Variants in BRINP3 observed in about 807,000 individuals in gnomAD.
The protein encoded by BRINP3 is BMP/retinoic acid-inducible neural-specific protein 3.
BRINP3 carries 19 observed loss-of-function variants against 71.0 expected under a neutral mutation model. The ratio of observed to expected loss-of-function variants is 0.27; its 90% CI spans 0.19 to 0.39. The LOEUF (loss-of-function observed/expected upper bound fraction) is 0.39. BRINP3 is among the 10% of genes least tolerant of loss of function. BRINP3 has a pLI of 1.00. For missense variants in BRINP3, 959 were observed against 940.8 expected (o/e 1.02, Z -0.25); for synonymous variants, 380 against 337.7 (o/e 1.13, Z -1.37).
chr1:190,112,464 T>C (rs1652776740), intron 7 of BRINP3, among the ~76,000 whole-genome samples: 1 of 152,188 alleles, frequency 6.6e-6, no homozygotes, highest in Non-Finnish European at 1.5e-5. Flanking sequence ...TCCTTGACCA[T>C]GGCACCACAG....
chr1:190,369,623 T>C (rs942556680), intron 2 of BRINP3, among the ~76,000 whole-genome samples: 5 of 149,136 alleles, frequency 3.4e-5, no homozygotes, highest in East Asian at 4.0e-4. Flanking sequence ...TAAAATACTA[T>C]AAAATCAGCC....
intron 6 of BRINP3, among the ~76,000 whole-genome samples, chr1:190,220,060 A>T (rs1029319891): frequency 6.6e-6 from 1 of 151,920 alleles, no homozygotes; most frequent in African/African-American, 2.4e-5. Flanking sequence ...ATAATGAAAA[A>T]CTGTGCAAAG....
At chr1:190,456,555 G>T (rs1320688620) in intron 1 of BRINP3, among the ~76,000 whole-genome samples, 2 of 151,602 alleles carry the variant, frequency 1.3e-5, no homozygotes, top group Non-Finnish European at 2.9e-5. Flanking sequence ...TTTCAAATTT[G>T]CTGAAAAAAT....
intron 2 of BRINP3, among the ~76,000 whole-genome samples, chr1:190,319,531 C>T (rs1480807082): frequency 6.6e-6 from 1 of 152,074 alleles, no homozygotes; most frequent in South Asian, 2.1e-4. Flanking sequence ...CACTGTTCCA[C>T]AGGCTGTACA....
chr1:190,267,749 T>C (rs1449691827), intron 3 of BRINP3, among the ~76,000 whole-genome samples: 2 of 151,866 alleles, frequency 1.3e-5, no homozygotes, highest in Admixed American at 6.6e-5. Flanking sequence ...GAATAGAGCA[T>C]TTACTTAAAA....
At chr1:190,299,144 C>T (rs1664480073) in intron 2 of BRINP3, among the ~76,000 whole-genome samples, 1 of 151,864 alleles carries the variant, frequency 6.6e-6, no homozygotes, top group Non-Finnish European at 1.5e-5. Context: ...TTAATGTTTA[C>T]CTATTATGTC....
At chr1:190,421,982 G>T (rs554238638) in intron 2 of BRINP3, among the ~76,000 whole-genome samples, 157 of 151,782 alleles carry the variant, frequency 1.0e-3, no homozygotes, top group Non-Finnish European at 1.5e-3. Context: ...TCTCCATCTA[G>T]CACCCATTTC....
At chr1:190,339,352 G>A (rs536304428) in intron 2 of BRINP3, among the ~76,000 whole-genome samples, 47 of 151,974 alleles carry the variant, frequency 3.1e-4, no homozygotes, top group African/African-American at 1.1e-3. Flanking sequence ...CTTTGTGGCT[G>A]GTAGAAACCC....
chr1:190,153,826 G>A (rs984038503), intron 7 of BRINP3, among the ~76,000 whole-genome samples: 2 of 152,144 alleles, frequency 1.3e-5, no homozygotes, highest in African/African-American at 4.8e-5. Context: ...ACAACAGCCT[G>A]AGCAACAGTG....
chr1:190,456,404 A>G (rs1675992858), intron 1 of BRINP3, among the ~76,000 whole-genome samples: 3 of 152,184 alleles, frequency 2.0e-5, no homozygotes, highest in Admixed American at 2.0e-4. Context: ...GGGAAGCCTT[A>G]CAAGTGAAGA....
chr1:190,402,836 A>G (rs1410324902), intron 2 of BRINP3, among the ~76,000 whole-genome samples: 1 of 152,064 alleles, frequency 6.6e-6, no homozygotes, highest in Non-Finnish European at 1.5e-5. Context: ...GGCTCAAGCA[A>G]TTCTCCCACT....
intron 2 of BRINP3, among the ~76,000 whole-genome samples, chr1:190,336,548 A>C (rs1667295357): frequency 6.6e-6 from 1 of 152,010 alleles, no homozygotes; most frequent in Non-Finnish European, 1.5e-5. Flanking sequence ...ATCAAACACC[A>C]CACACCTCTA....
intron 2 of BRINP3, among the ~76,000 whole-genome samples, chr1:190,452,238 T>A (rs752770126): frequency 3.3e-5 from 5 of 152,212 alleles, no homozygotes; most frequent in African/African-American, 1.2e-4. Context: ...GGTACCCTAA[T>A]GAATAAATTA....
chr1:190,303,656 T>C, intron 2 of BRINP3, among the ~76,000 whole-genome samples: 1 of 151,780 alleles, frequency 6.6e-6, no homozygotes, highest in East Asian at 1.9e-4. Context: ...AGGACACTTC[T>C]GAAAGAACTA....
At chr1:190,427,030 A>T (rs1673752800) in intron 2 of BRINP3, among the ~76,000 whole-genome samples, 1 of 151,874 alleles carries the variant, frequency 6.6e-6, no homozygotes, top group Non-Finnish European at 1.5e-5. Flanking sequence ...CACTTCAGGT[A>T]TGTATTTGTA....
intron 6 of BRINP3, among the ~76,000 whole-genome samples, chr1:190,180,829 TAAC>T (rs1165769080): frequency 6.6e-6 from 1 of 152,024 alleles, no homozygotes; most frequent in Non-Finnish European, 1.5e-5. Context: ...TATTTTAAAA[TAAC>T]AACAATTCCT....
chr1:190,106,160 A>G lies in BRINP3; in HGVS notation c.1185-7026T>C, dbSNP rs905048538. Among the ~76,000 whole-genome samples, 8 of 151,872 alleles carry G rather than the reference A, an allele frequency of 5.3e-5. No homozygotes were observed. The East Asian group carries it at 1.3e-3, about 26-fold the overall frequency. On this transcript the variant is annotated intron_variant, in intron 7 of 7. Transcript: ENST00000367462. ...CAGGCCTCTCCTATGTTCTTTTATA[A>G]CATCTTGGTATTCACCCCCCCATAA... is the stretch of plus-strand genomic sequence containing the variant.
chr1:190,234,994 G>A (rs1040293933), intron 4 of BRINP3, among the ~76,000 whole-genome samples: 2 of 151,832 alleles, frequency 1.3e-5, no homozygotes, highest in East Asian at 1.9e-4. Flanking sequence ...TTTCCAATAT[G>A]CCAGTATCTC....
chr1:190,476,124 T>C (rs1161670367), intron 1 of BRINP3: 1 of 151,430 alleles, frequency 6.6e-6, no homozygotes, highest in Non-Finnish European at 1.5e-5. Context: ...GACGGGGGGA[T>C]GGGGCGACGC....
Sources: gnomAD v4.1 joint callset for allele counts (sites outside exome capture counted in the v4.1 genomes callset) on GRCh38, gnomAD v4.1.1 for gene constraint, MANE v1.5 for transcripts, NCBI Gene and HGNC (gene_info 2026-07-23, HGNC 2026-07-21) for gene names.